Variants in TACR2 observed in about 807,000 individuals in gnomAD.
The protein encoded by TACR2 is tachykinin receptor 2, also known as substance-K receptor.
TACR2 carries 24 observed loss-of-function variants against 28.9 expected under a neutral mutation model. The ratio of observed to expected loss-of-function variants is 0.83; its 90% confidence interval spans 0.60 to 1.17. TACR2 has a LOEUF of 1.17. Among genes scored for constraint, TACR2 ranks in the 50% most tolerant of loss-of-function variants. The pLI is 0.00. For missense variants in TACR2, 487 were observed against 524.4 expected (o/e 0.93, Z 0.70); for synonymous variants, 222 against 212.6 (o/e 1.04, Z -0.38).
intron 2 of TACR2, among the ~76,000 whole-genome samples, chr10:69,413,403 C>T (rs1296452724): frequency 6.6e-6 from 1 of 152,230 alleles, no homozygotes; most frequent in African/African-American, 2.4e-5. Flanking sequence ...AGCTGGCACG[C>T]ACAGTGGTCC....
chr10:69,412,350 G>A (rs904389517), intron 2 of TACR2, among the ~76,000 whole-genome samples: 1 of 152,018 alleles, frequency 6.6e-6, no homozygotes, highest in African/African-American at 2.4e-5. Context: ...AGGTTCAGGC[G>A]CTCCTAGACT....
chr10:69,410,607 A>G (rs1564581413), intron 2 of TACR2, among the ~76,000 whole-genome samples: 1 of 151,716 alleles, frequency 6.6e-6, no homozygotes, highest in South Asian at 2.1e-4. Flanking sequence ...GATGAGCTGC[A>G]GGCTGGGGAC....
rs543013924 is a variant in TACR2, at chr10:69,404,871, A to G, written c.1152T>C (p.Phe384=). 1 of 1,591,514 alleles carries G rather than the reference A, an allele frequency of 6.3e-7. No homozygotes were observed. ...TGGTGGGGGCAAGCAAACCATACCC[A>G]AACCATAGCCCTGATCCATCCTGGG... ...GRPQDGSGLW[F]GYGLLAPTKT... is the part of the protein sequence containing the mutation. The change falls in exon 5 of 5, where the codon TTT becomes TTC. Residue 384 remains phenylalanine (F), a synonymous_variant. Transcript: ENST00000373306.
At chr10:69,409,866 T>TATATATATATATACACATATATAC (rs1840546868) in intron 2 of TACR2, among the ~76,000 whole-genome samples, 1 of 20,896 alleles carries the variant, frequency 4.8e-5, no homozygotes, top group Admixed American at 4.4e-4. Flanking sequence ...TATGTATATG[T>TATATATATATATACACATATATAC]ATATATATAT....
intron 2 of TACR2, among the ~76,000 whole-genome samples, chr10:69,413,457 A>G (rs752374233): frequency 4.6e-5 from 7 of 152,156 alleles, no homozygotes; most frequent in Admixed American, 2.6e-4. Context: ...GCCGGTCTCA[A>G]TATGTTCTGC....
intron 2 of TACR2, among the ~76,000 whole-genome samples, chr10:69,412,793 C>T (rs1372724025): frequency 1.3e-5 from 2 of 152,170 alleles, no homozygotes; most frequent in Non-Finnish European, 2.9e-5. Context: ...GGCTAGGTCT[C>T]CATGCAGAAG....
At chr10:69,406,365 G>A (rs1301468604) in intron 4 of TACR2, among the ~76,000 whole-genome samples, 1 of 152,142 alleles carries the variant, frequency 6.6e-6, no homozygotes, top group South Asian at 2.1e-4. Flanking sequence ...ACCTCTCCAG[G>A]TGCCCCAGAG....
chr10:69,414,451 C>T lies in TACR2; in HGVS notation c.587+494G>A, dbSNP rs150447728. Among the ~76,000 whole-genome samples, 50 of 152,346 alleles carry T rather than the reference C, an allele frequency of 3.3e-4. No homozygotes were observed. In the East Asian group the frequency reaches 6.6e-3, roughly 20 times the overall value. On this transcript the variant is annotated intron_variant, in intron 2 of 4. Coordinates refer to ENST00000373306, the MANE Select transcript of TACR2 (RefSeq NM_001057.3). ...GTGCCGCATGTTCACGTGACATGTACAGTCACATACACGTGTGCATGCATG... is the reference window on the plus strand; with the variant it reads ...GTGCCGCATGTTCACGTGACATGTATAGTCACATACACGTGTGCATGCATG...
chr10:69,407,628 C>T (rs1332701683), intron 3 of TACR2, among the ~76,000 whole-genome samples: 3 of 152,220 alleles, frequency 2.0e-5, no homozygotes, highest in African/African-American at 4.8e-5. Flanking sequence ...TCTCTCCTAA[C>T]CCCATCCCTG....
chr10:69,414,948 A>C lies in TACR2; in HGVS notation c.584T>G (p.Leu195Arg). The C allele has an allele frequency of 6.2e-7, 1 of 1,609,066 alleles. No individual in the cohort carries two copies. The highest frequency in any genetic ancestry group is 8.5e-7 in the Non-Finnish European group (1 of 1,176,508). The stretch of plus-strand genomic sequence containing the variant: ...CACAATCCCCCAGAGGCCTTACAGG[A>C]GGAGCGTCTTGCCCCCGCTGTCTTC... ...WPEDSGGKTL[L>R]LYHLVVIALI... Residue 195 changes from leucine (L) to arginine (R), a missense_variant, in exon 2 of 5, where the codon CTC (leucine) becomes CGC (arginine). Leu to Arg is a moderately radical substitution (Grantham distance 102). Coordinates refer to ENST00000373306, the MANE Select transcript of TACR2 (RefSeq NM_001057.3).
rs1406841017 is a variant in TACR2, at chr10:69,405,088, G to A, written c.939-4C>T. 28 of 1,612,490 alleles carry A rather than the reference G, an allele frequency of 1.7e-5. No homozygotes were observed. Among genetic ancestry groups the A allele is most frequent in the Non-Finnish European group, 2.4e-5 (28 of 1,178,904 alleles). ...AAGCCGGAATCCAGAGCGAAACCTG[G>A]GGGAGCGAGGGGCACCTTGAGCCAG... On this transcript the variant is annotated splice_region_variant and splice_polypyrimidine_tract_variant and intron_variant, in intron 4 of 4. Coordinates refer to ENST00000373306, the MANE Select transcript of TACR2 (RefSeq NM_001057.3).
chr10:69,415,898 A>T, intron 1 of TACR2, 34 bp downstream of exon 1: 1 of 1,601,292 alleles, frequency 6.2e-7, no homozygotes, highest in Non-Finnish European at 8.5e-7. Context: ...CTCAGTGGGG[A>T]GGCTCCCCCC....
chr10:69,416,469 G>A lies in TACR2; in HGVS notation c.-146C>T. ...CGTGGTGGCACATCAGGAGAGCCTGGGGCCACTCCTAGGTCTCAGGCAAAG... is the reference window on the plus strand; with the variant it reads ...CGTGGTGGCACATCAGGAGAGCCTGAGGCCACTCCTAGGTCTCAGGCAAAG... On this transcript the variant is annotated 5_prime_UTR_variant, in exon 1 of 5. Coordinates refer to ENST00000373306, the MANE Select transcript of TACR2 (RefSeq NM_001057.3). 1 of 1,119,462 alleles carries A rather than the reference G, an allele frequency of 8.9e-7. No individual in the cohort carries two copies. The highest frequency in any genetic ancestry group is 1.2e-6 in the Non-Finnish European group (1 of 806,056). 69.3% of individuals were successfully genotyped at this position (1,119,462 alleles called of 1,614,324 possible).
chr10:69,406,422 C>T (rs912289163), intron 4 of TACR2, among the ~76,000 whole-genome samples: 13 of 152,262 alleles, frequency 8.5e-5, no homozygotes, highest in Admixed American at 2.0e-4. Flanking sequence ...AATCACGAGG[C>T]GTAGGGAAAC....
At position 69,416,388 on chromosome 10, in the gene TACR2, A is replaced by C; in HGVS notation, c.-65T>G. 6.5e-7 allele frequency: 1 copy of C among 1,527,938 alleles called. No individual in the cohort carries two copies. The highest frequency in any genetic ancestry group is 8.8e-7 in the Non-Finnish European group (1 of 1,137,848). The allele number at this position is 1,527,938 out of a possible 1,614,324, so 94.6% of individuals were successfully genotyped here. ...GCTCCTCTCGGATTTGCTATGAAAG[A>C]GAACTCCCCTTCAGAGCATGGGAAT... On this transcript the variant is annotated 5_prime_UTR_variant, in exon 1 of 5. Coordinates refer to ENST00000373306, the MANE Select transcript of TACR2 (RefSeq NM_001057.3).
chr10:69,414,820 A>G (rs200987110), intron 2 of TACR2, 125 bp downstream of exon 2: 13 of 984,174 alleles, frequency 1.3e-5, no homozygotes, highest in Admixed American at 2.4e-5. Context: ...ACACTCACTC[A>G]TGTGTACACC....
In TACR2 at chr10:69,409,077, T is replaced by A; in HGVS notation, c.588-2A>T. ...AGGGCGATCACCACGAGGTGGTACCTGCAGGGAGAGCCGAGGCCTGGGCAG... is the reference window on the plus strand; with the variant it reads ...AGGGCGATCACCACGAGGTGGTACCAGCAGGGAGAGCCGAGGCCTGGGCAG... On this transcript the variant is annotated splice_acceptor_variant, in intron 2 of 4. Transcript: ENST00000373306. LOFTEE classifies it high-confidence loss of function. The A allele has an allele frequency of 6.3e-7, 1 of 1,598,752 alleles. No homozygotes were observed. The highest frequency in any genetic ancestry group is 8.5e-7 in the Non-Finnish European group (1 of 1,174,616).
At chr10:69,411,441 T>A (rs1403588720) in intron 2 of TACR2, among the ~76,000 whole-genome samples, 1 of 152,150 alleles carries the variant, frequency 6.6e-6, no homozygotes, top group Non-Finnish European at 1.5e-5. Flanking sequence ...AAGACCCCCT[T>A]CTTGCCTGGG....
intron 4 of TACR2, 42 bp downstream of exon 4, chr10:69,407,042 G>A (rs2133003043): frequency 6.2e-7 from 1 of 1,601,252 alleles, no homozygotes; most frequent in Non-Finnish European, 8.5e-7. Context: ...GCTGGGCAGT[G>A]GGGCCCTGAG....
Sources: gnomAD v4.1 joint callset for allele counts (sites outside exome capture counted in the v4.1 genomes callset) on GRCh38, gnomAD v4.1.1 for gene constraint, MANE v1.5 for transcripts, NCBI Gene and HGNC (gene_info 2026-07-23, HGNC 2026-07-21) for gene names.